The following LRRC4C variants were observed in gnomAD, a reference collection of about 807,000 sequenced individuals.
The protein encoded by LRRC4C is leucine-rich repeat-containing protein 4C.
A neutral mutation model predicts 33.6 loss-of-function variants in LRRC4C; 5 were observed. The ratio of observed to expected loss-of-function variants is 0.15; its 90% CI spans 0.08 to 0.31. LRRC4C has a LOEUF of 0.31. Ranked by LOEUF, LRRC4C falls within the 10% of genes least tolerant of loss-of-function variation. The probability of loss-of-function intolerance (pLI) is 1.00; values close to 1 mark genes in which losing one functional copy is unlikely to be tolerated. For synonymous variants in LRRC4C, 329 were observed against 302.0 expected (o/e 1.09, Z -0.93); for missense variants, 560 against 796.7 (o/e 0.70, Z 3.58).
intron 3 of LRRC4C, among the ~76,000 whole-genome samples, chr11:40,549,774 A>C (rs1296394682): frequency 1.3e-5 from 2 of 152,136 alleles, no homozygotes; most frequent in East Asian, 1.9e-4. Flanking sequence ...AGAAGAAAAA[A>C]AGTGAAAATA....
chr11:40,324,373 T>C (rs1425293292), intron 3 of LRRC4C, among the ~76,000 whole-genome samples: 4 of 152,190 alleles, frequency 2.6e-5, no homozygotes, highest in African/African-American at 7.2e-5. Context: ...AGTAAATCCA[T>C]GCTTGAATTC....
intron 4 of LRRC4C, among the ~76,000 whole-genome samples, chr11:40,246,583 G>A (rs145320127): frequency 9.2e-5 from 14 of 152,148 alleles, no homozygotes; most frequent in Non-Finnish European, 1.8e-4. Context: ...GGTCTCCATC[G>A]TCTCCAATAT....
intron 4 of LRRC4C, among the ~76,000 whole-genome samples, chr11:40,263,906 T>C (rs1448034913): frequency 1.3e-5 from 2 of 152,130 alleles, no homozygotes; most frequent in Non-Finnish European, 2.9e-5. Flanking sequence ...GATGACAACA[T>C]AGAAGGAGCC....
At chr11:40,718,389 T>C (rs1432483325) in intron 2 of LRRC4C, among the ~76,000 whole-genome samples, 1 of 152,174 alleles carries the variant, frequency 6.6e-6, no homozygotes. Flanking sequence ...TGAGAAACCC[T>C]GGGGTGCGAG....
chr11:40,250,731 T>A (rs1226983868), intron 4 of LRRC4C, among the ~76,000 whole-genome samples: 1 of 152,038 alleles, frequency 6.6e-6, no homozygotes, highest in African/African-American at 2.4e-5. Context: ...AGAGTGAGAT[T>A]CTGTCTCAAA....
chr11:40,765,288 A>G (rs1240976377), intron 2 of LRRC4C, among the ~76,000 whole-genome samples: 1 of 152,118 alleles, frequency 6.6e-6, no homozygotes, highest in Non-Finnish European at 1.5e-5. Flanking sequence ...AAAAGTGTGT[A>G]ATACCTCTCC....
At chr11:40,714,461 A>G (rs1362391395) in intron 2 of LRRC4C, among the ~76,000 whole-genome samples, 1 of 152,176 alleles carries the variant, frequency 6.6e-6, no homozygotes. Context: ...TTGGCCAACC[A>G]CAGATTATGA....
rs139406728 is a variant in LRRC4C, at chr11:40,584,126, A to G, written c.-270+64016T>C. On this transcript the variant is annotated intron_variant, in intron 3 of 6. Transcript: ENST00000528697. The stretch of plus-strand genomic sequence containing the variant: ...CAGGTTTTCTCAACCTTGGTACAAG[A>G]CTATTGCAATTTTGGACTTTCCTTA... Among the ~76,000 whole-genome samples the G allele has an allele frequency of 5.4e-3, 762 of 141,602 alleles. 5 individuals carry two copies. The highest frequency in any genetic ancestry group is 8.4e-3 in the Non-Finnish European group (555 of 65,942). The allele number at this position is 141,602 out of a possible 152,430, so 92.9% of individuals were successfully genotyped here.
chr11:40,805,722 T>C (rs1951217910), intron 2 of LRRC4C, among the ~76,000 whole-genome samples: 1 of 152,142 alleles, frequency 6.6e-6, no homozygotes, highest in African/African-American at 2.4e-5. Context: ...CACAGATATA[T>C]CTGTTATGAT....
At chr11:40,214,943 G>A (rs1590730796) in intron 5 of LRRC4C, among the ~76,000 whole-genome samples, 1 of 152,088 alleles carries the variant, frequency 6.6e-6, no homozygotes, top group Admixed American at 6.5e-5. Flanking sequence ...TACATTAAAG[G>A]TGTTGCTGGT....
chr11:40,569,899 A>G (rs1957914845), intron 3 of LRRC4C, among the ~76,000 whole-genome samples: 1 of 152,088 alleles, frequency 6.6e-6, no homozygotes, highest in African/African-American at 2.4e-5. Context: ...AAGCAGTAAA[A>G]TCATGTTGCT....
At chr11:40,356,146 G>C (rs1235854373) in intron 3 of LRRC4C, among the ~76,000 whole-genome samples, 1 of 152,032 alleles carries the variant, frequency 6.6e-6, no homozygotes, top group Non-Finnish European at 1.5e-5. Context: ...CTGCCTCACA[G>C]GATTGTCCAG....
intron 1 of LRRC4C, among the ~76,000 whole-genome samples, chr11:41,285,355 A>C (rs1949792089): frequency 6.6e-6 from 1 of 152,362 alleles, no homozygotes; most frequent in Admixed American, 6.5e-5. Flanking sequence ...GAAATAGCTA[A>C]GTTGTGCCAC....
chr11:40,995,715 A>C (rs1314399629), intron 1 of LRRC4C, among the ~76,000 whole-genome samples: 2 of 152,126 alleles, frequency 1.3e-5, no homozygotes, highest in African/African-American at 4.8e-5. Context: ...TAAAAGCAGA[A>C]TTCACCCAGC....
At chr11:40,399,517 A>G (rs1420864949) in intron 3 of LRRC4C, among the ~76,000 whole-genome samples, 10 of 147,210 alleles carry the variant, frequency 6.8e-5, no homozygotes, top group Admixed American at 2.1e-4. Context: ...GGAACATCAC[A>G]CTCCGGGGAC....
chr11:40,454,086 T>C (rs1414566995), intron 3 of LRRC4C, among the ~76,000 whole-genome samples: 1 of 152,186 alleles, frequency 6.6e-6, no homozygotes, highest in East Asian at 1.9e-4. Flanking sequence ...TTTAACACTT[T>C]ATTCTTTTCT....
intron 1 of LRRC4C, among the ~76,000 whole-genome samples, chr11:41,215,902 C>T (rs1947041671): frequency 6.6e-6 from 1 of 152,160 alleles, no homozygotes; most frequent in East Asian, 1.9e-4. Flanking sequence ...TATGCTAACT[C>T]TACATTTAAC....
intron 1 of LRRC4C, among the ~76,000 whole-genome samples, chr11:41,048,083 GAATA>G (rs547885180): frequency 6.6e-6 from 1 of 152,176 alleles, no homozygotes; most frequent in African/African-American, 2.4e-5. Context: ...CTTGGCAGCA[GAATA>G]AATACTTTTT....
chr11:40,131,939 G>A (rs944663164), intron 6 of LRRC4C, among the ~76,000 whole-genome samples: 14 of 152,126 alleles, frequency 9.2e-5, no homozygotes, highest in Non-Finnish European at 1.6e-4. Flanking sequence ...AAATTGTACA[G>A]TACCATCATG....
Sources: gnomAD v4.1 joint callset for allele counts (sites outside exome capture counted in the v4.1 genomes callset) on GRCh38, gnomAD v4.1.1 for gene constraint, MANE v1.5 for transcripts, NCBI Gene and HGNC (gene_info 2026-07-23, HGNC 2026-07-21) for gene names.